KIAA1549L: variants seen among roughly 807,000 people sequenced by gnomAD.
The protein encoded by KIAA1549L is UPF0606 protein KIAA1549L.
In KIAA1549L, 88 loss-of-function variants were observed where a neutral mutation model predicts 160.7. That is an observed-to-expected ratio of 0.55 (90% CI 0.46 to 0.65). KIAA1549L has a LOEUF of 0.65. KIAA1549L is among the 30% of genes least tolerant of loss of function. KIAA1549L has a pLI of 0.00. For synonymous variants in KIAA1549L, 950 were observed against 976.7 expected (o/e 0.97, Z 0.51); for missense variants, 2,258 against 2,437.5 (o/e 0.93, Z 1.55).
At chr11:33,456,972 G>C (rs1227701530) in intron 1 of KIAA1549L, among the ~76,000 whole-genome samples, 1 of 152,172 alleles carries the variant, frequency 6.6e-6, no homozygotes, top group African/African-American at 2.4e-5. Flanking sequence ...TTACTGCAGG[G>C]CTGGGATGGG....
At chr11:33,473,403 G>A (rs994286529) in intron 1 of KIAA1549L, among the ~76,000 whole-genome samples, 4 of 152,176 alleles carry the variant, frequency 2.6e-5, no homozygotes, top group Admixed American at 2.6e-4. Flanking sequence ...CCTGGAGGAG[G>A]TGATGTCCAA....
At chr11:33,402,404 C>T (rs981382387) in intron 1 of KIAA1549L, among the ~76,000 whole-genome samples, 4 of 152,192 alleles carry the variant, frequency 2.6e-5, no homozygotes, top group African/African-American at 7.2e-5. Context: ...CCTGTGGTCT[C>T]TCATCTGGAT....
chr11:33,661,111 T>G, intron 20 of KIAA1549L, 97 bp downstream of exon 20: 1 of 1,222,924 alleles, frequency 8.2e-7, no homozygotes, highest in South Asian at 1.5e-5. Flanking sequence ...TTTTGTTATC[T>G]CAGCCTCCTC....
chr11:33,661,297 T>C (rs955519646), intron 20 of KIAA1549L, among the ~76,000 whole-genome samples: 2 of 152,206 alleles, frequency 1.3e-5, no homozygotes, highest in Non-Finnish European at 2.9e-5. Flanking sequence ...ATTTGTTGAG[T>C]ATTTTCTATC....
intron 12 of KIAA1549L, 55 bp from the exon 13 acceptor site, chr11:33,598,765 G>A: frequency 1.9e-6 from 3 of 1,604,780 alleles, no homozygotes; most frequent in South Asian, 1.1e-5. Context: ...AACCTTGAGA[G>A]GCGGCTGCTC....
chr11:33,617,146 A>C (rs1234756574), intron 15 of KIAA1549L, among the ~76,000 whole-genome samples: 1 of 151,928 alleles, frequency 6.6e-6, no homozygotes. Context: ...AAAAAAAAAA[A>C]AAAAGGAATG....
At position 33,583,465 on chromosome 11, in the gene KIAA1549L, G is replaced by A. The variant is rs1307997194; in HGVS notation, c.4530G>A (p.Lys1510=). Residue 1510 remains lysine, a synonymous_variant, in exon 11 of 21, where the codon AAG becomes AAA. Transcript: ENST00000658780. The part of the protein sequence containing the change: ...VLCRKNKNDF[K]PDTMINLPQR... ...GCAGGAAGAACAAGAACGACTTCAAGCCTGACACCATGATAAACCTGCCGC... is the reference window on the plus strand; with the variant it reads ...GCAGGAAGAACAAGAACGACTTCAAACCTGACACCATGATAAACCTGCCGC... 3 of 1,582,750 alleles carry A rather than the reference G, an allele frequency of 1.9e-6. No homozygotes were observed. The South Asian group carries it at 3.5e-5, about 18-fold the overall frequency.
intron 17 of KIAA1549L, among the ~76,000 whole-genome samples, chr11:33,653,101 G>A (rs1351172190): frequency 6.6e-6 from 1 of 152,212 alleles, no homozygotes; most frequent in Non-Finnish European, 1.5e-5. Context: ...CTTACTCCTT[G>A]TTCACTCAGC....
At chr11:33,386,218 T>G (rs1028511847) in intron 1 of KIAA1549L, among the ~76,000 whole-genome samples, 1 of 152,238 alleles carries the variant, frequency 6.6e-6, no homozygotes, top group African/African-American at 2.4e-5. Context: ...GTTTTGATTT[T>G]GTTTCACAGA....
At chr11:33,568,722 T>G (rs10836075) in intron 9 of KIAA1549L, among the ~76,000 whole-genome samples, 44,805 of 152,086 alleles carry the variant, frequency 0.29, 6,801 homozygotes, top group Middle Eastern at 0.47. Flanking sequence ...CCTGGCCACG[T>G]AGAGATTTAG....
chr11:33,383,273 C>CTT (rs35630887), intron 1 of KIAA1549L, among the ~76,000 whole-genome samples: 3,711 of 144,142 alleles, frequency 0.026, 149 homozygotes, highest in African/African-American at 0.085. Flanking sequence ...TTCTTTCTTT[C>CTT]TTTTTTTTTT....
chr11:33,433,021 T>C (rs1009244785), intron 1 of KIAA1549L, among the ~76,000 whole-genome samples: 6 of 152,234 alleles, frequency 3.9e-5, no homozygotes, highest in East Asian at 1.9e-4. Flanking sequence ...GACATAGGCA[T>C]GGGCAAAGAC....
At chr11:33,482,421 A>G (rs1422379877) in intron 1 of KIAA1549L, among the ~76,000 whole-genome samples, 5 of 152,162 alleles carry the variant, frequency 3.3e-5, no homozygotes, top group African/African-American at 7.2e-5. Flanking sequence ...ACTGATAAGT[A>G]TGTTTAACCT....
intron 19 of KIAA1549L, among the ~76,000 whole-genome samples, chr11:33,659,825 T>C (rs1435599796): frequency 1.3e-5 from 2 of 152,196 alleles, no homozygotes; most frequent in Non-Finnish European, 2.9e-5. Flanking sequence ...CCACCACTTC[T>C]GTAGAAAGCC....
chr11:33,611,969 G>A (rs933089955), intron 15 of KIAA1549L, among the ~76,000 whole-genome samples: 4 of 152,214 alleles, frequency 2.6e-5, no homozygotes, highest in African/African-American at 9.7e-5. Context: ...GATTCTTGGG[G>A]CCTTTTGATG....
At chr11:33,379,357 A>G (rs1486599439) in intron 1 of KIAA1549L, among the ~76,000 whole-genome samples, 3 of 152,146 alleles carry the variant, frequency 2.0e-5, no homozygotes, top group African/African-American at 7.2e-5. Flanking sequence ...CCACATAAAG[A>G]AAAGGCTGTT....
At chr11:33,537,729 C>G (rs1371224952) in intron 1 of KIAA1549L, among the ~76,000 whole-genome samples, 1 of 152,136 alleles carries the variant, frequency 6.6e-6, no homozygotes, top group Non-Finnish European at 1.5e-5. Context: ...TTGAATCAGT[C>G]TTTTCAAATG....
intron 1 of KIAA1549L, among the ~76,000 whole-genome samples, chr11:33,491,503 C>A (rs1852663004): frequency 6.6e-6 from 1 of 152,158 alleles, no homozygotes; most frequent in African/African-American, 2.4e-5. Context: ...TTATAACTTT[C>A]CAATCAGCCA....
rs1453256773 is a variant in KIAA1549L, at chr11:33,668,073, T to C, written c.6360T>C (p.Thr2120=). 1 of 1,614,002 alleles carries C rather than the reference T, an allele frequency of 6.2e-7. No homozygotes were observed. The highest frequency in any genetic ancestry group is 8.5e-7 in the Non-Finnish European group (1 of 1,179,882). The change falls in exon 21 of 21, where the codon ACT becomes ACC. Residue 2120 remains threonine (T), a synonymous_variant. Coordinates refer to ENST00000658780, the MANE Select transcript of KIAA1549L (RefSeq NM_012194.3). ...PSDAPLTNIS[T]AALVKAIREE... ...ACGCTCCCCTGACCAACATCTCCAC[T>C]GCGGCCCTTGTGAAGGCCATCCGGG...
Sources: gnomAD v4.1 joint callset for allele counts (sites outside exome capture counted in the v4.1 genomes callset) on GRCh38, gnomAD v4.1.1 for gene constraint, MANE v1.5 for transcripts, NCBI Gene and HGNC (gene_info 2026-07-23, HGNC 2026-07-21) for gene names.